Variants in GSE1 observed in about 807,000 individuals in gnomAD.
The protein encoded by GSE1 is Gse1 coiled-coil protein, also known as genetic suppressor element 1.
In GSE1, 32 loss-of-function variants were observed where a neutral mutation model predicts 112.6. That is an observed-to-expected ratio of 0.28 (90% CI 0.21 to 0.38). The LOEUF (loss-of-function observed/expected upper bound fraction) is 0.38. Among genes scored for constraint, GSE1 ranks in the 10% least tolerant of loss-of-function variants. GSE1 has a pLI of 1.00. For missense variants in GSE1, 2,348 were observed against 1,699.2 expected, an observed-to-expected ratio of 1.38 and a Z score of -6.71; for synonymous variants, 1,115 against 735.6, an observed-to-expected ratio of 1.52 and a Z score of -8.35.
intron 1 of GSE1, among the ~76,000 whole-genome samples, chr16:85,232,518 T>C (rs1194787244): frequency 1.3e-5 from 2 of 152,088 alleles, no homozygotes; most frequent in African/African-American, 4.8e-5. Context: ...CTGCTCAGGG[T>C]GTGGTCTCGG....
chr16:85,356,456 C>T (rs2046953348), intron 1 of GSE1, among the ~76,000 whole-genome samples: 1 of 152,216 alleles, frequency 6.6e-6, no homozygotes, highest in South Asian at 2.1e-4. Context: ...CCCACCAGTT[C>T]TGTGCTCCCT....
At chr16:85,434,339 A>ATCATC (rs1555511288) in intron 2 of GSE1, among the ~76,000 whole-genome samples, 30 of 104,134 alleles carry the variant, frequency 2.9e-4, no homozygotes, top group African/African-American at 7.4e-4. Context: ...TAATAATAAT[A>ATCATC]ATAATAATCA....
intron 1 of GSE1, among the ~76,000 whole-genome samples, chr16:85,307,961 T>A (rs2045726834): frequency 6.6e-6 from 1 of 152,180 alleles, no homozygotes; most frequent in Admixed American, 6.5e-5. Flanking sequence ...TGGATTCAGC[T>A]GTGAAGCTGA....
intron 1 of GSE1, among the ~76,000 whole-genome samples, chr16:85,335,832 C>T (rs1406326637): frequency 4.1e-5 from 6 of 145,760 alleles, no homozygotes; most frequent in South Asian, 4.4e-4. Context: ...CAGCCGGGCG[C>T]GCTGGGAGCA....
chr16:85,548,536 G>A (rs1292701396), intron 2 of GSE1, among the ~76,000 whole-genome samples: 1 of 152,136 alleles, frequency 6.6e-6, no homozygotes, highest in East Asian at 1.9e-4. Context: ...TTTAACGTAA[G>A]AATCTCCAAT....
intron 2 of GSE1, among the ~76,000 whole-genome samples, chr16:85,522,973 G>A (rs1206674545): frequency 6.6e-6 from 1 of 152,118 alleles, no homozygotes; most frequent in Non-Finnish European, 1.5e-5. Context: ...TATGTTGTGT[G>A]TATGATTGTG....
In GSE1 at chr16:85,673,319, G is replaced by C. The variant is rs1014278822; in HGVS notation, c.*780G>C. 4 of 152,070 alleles carry C rather than the reference G, an allele frequency of 2.6e-5. No individual in the cohort carries two copies. The highest frequency in any genetic ancestry group is 4.9e-5 in the African/African-American group (2 of 41,204). The allele number at this position is 152,070 out of a possible 1,614,324, so 9.4% of individuals were successfully genotyped here. A position where few individuals can be genotyped will look rare whatever the true frequency, so the allele number is the denominator to read the frequency against. On this transcript the variant is annotated 3_prime_UTR_variant, in exon 16 of 16. Coordinates refer to ENST00000253458, the MANE Select transcript of GSE1 (RefSeq NM_014615.5). Reference sequence around the variant, plus strand: ...GAAAAGTCAAAGGTGCTTCAGCCTTGTACTGTGTATATATATTAAAAAAAA... The same window carrying C: ...GAAAAGTCAAAGGTGCTTCAGCCTTCTACTGTGTATATATATTAAAAAAAA...
chr16:85,170,088 C>A, exon 1 of GSE1: 1 of 985,086 alleles, frequency 1.0e-6, no homozygotes, highest in Non-Finnish European at 1.2e-6. Context: ...CCGACCCGCC[C>A]GCGCGGGACG....
rs749088782 is a variant in GSE1 at position 85,196,458 on chromosome 16, T to G, written c.2283+24651T>G. On this transcript the variant is annotated intron_variant, in intron 1 of 2. Coordinates refer to the GSE1 transcript ENST00000637419. Reference sequence around the variant, plus strand: ...ACGTGTGCACTCCTGCGTCTTGGCTTGTCACAATGAGTGTGTGTGACTTTC... The same window carrying G: ...ACGTGTGCACTCCTGCGTCTTGGCTGGTCACAATGAGTGTGTGTGACTTTC... Among the ~76,000 whole-genome samples the G allele has an allele frequency of 3.3e-5, 5 of 152,146 alleles. No homozygotes were observed. In the South Asian group the frequency reaches 1.0e-3, roughly 32 times the overall value.
At chr16:85,581,064 G>A (rs2046428015) in intron 1 of GSE1, among the ~76,000 whole-genome samples, 1 of 152,222 alleles carries the variant, frequency 6.6e-6, no homozygotes, top group African/African-American at 2.4e-5. Flanking sequence ...GAGGGACACT[G>A]GTGGTTGGCT....
chr16:85,639,064 C>T (rs1008867620), intron 2 of GSE1, among the ~76,000 whole-genome samples: 1 of 152,218 alleles, frequency 6.6e-6, no homozygotes, highest in Non-Finnish European at 1.5e-5. Flanking sequence ...TCCTGGGTTG[C>T]ACCCCCAGCC....
chr16:85,393,923 A>G (rs1400454927), intron 2 of GSE1, among the ~76,000 whole-genome samples: 1 of 151,952 alleles, frequency 6.6e-6, no homozygotes, highest in Non-Finnish European at 1.5e-5. Flanking sequence ...GTCCTGATGC[A>G]GGCCCACTGG....
At chr16:85,312,217 G>GGGA (rs1567681012) in intron 1 of GSE1, among the ~76,000 whole-genome samples, 1 of 148,892 alleles carries the variant, frequency 6.7e-6, no homozygotes, top group African/African-American at 2.5e-5. Context: ...GGGGGGGGGG[G>GGGA]ACACACTTAC....
chr16:85,196,945 C>G (rs1049810010), intron 1 of GSE1, among the ~76,000 whole-genome samples: 6 of 152,190 alleles, frequency 3.9e-5, no homozygotes, highest in African/African-American at 4.8e-5. Context: ...GCCTGTACTG[C>G]GTCAGAGGAT....
intron 1 of GSE1, among the ~76,000 whole-genome samples, chr16:85,582,596 T>C (rs1366916464): frequency 6.6e-6 from 1 of 152,140 alleles, no homozygotes; most frequent in Non-Finnish European, 1.5e-5. Context: ...CAGTCAGCAC[T>C]GGTGGCATCC....
At chr16:85,212,412 A>T (rs1436252522) in intron 1 of GSE1, among the ~76,000 whole-genome samples, 1 of 152,116 alleles carries the variant, frequency 6.6e-6, no homozygotes, top group African/African-American at 2.4e-5. Context: ...TCTCAAAAAA[A>T]ACAAAACAAA....
intron 1 of GSE1, among the ~76,000 whole-genome samples, chr16:85,301,065 C>G (rs1006849586): frequency 2.0e-5 from 3 of 152,182 alleles, no homozygotes; most frequent in African/African-American, 7.2e-5. Context: ...TGTGGTTGCA[C>G]CTACCGGCTC....
At chr16:85,390,033 G>T (rs775726120) in intron 2 of GSE1, among the ~76,000 whole-genome samples, 1 of 152,188 alleles carries the variant, frequency 6.6e-6, no homozygotes, top group Non-Finnish European at 1.5e-5. Context: ...AGCTGACCTC[G>T]GGGCCTAGGC....
At chr16:85,540,359 C>T (rs1269125283) in intron 2 of GSE1, among the ~76,000 whole-genome samples, 4 of 152,190 alleles carry the variant, frequency 2.6e-5, no homozygotes, top group Admixed American at 2.6e-4. Context: ...TCAAGTTGCC[C>T]TTCACTCACA....
Sources: allele counts gnomAD v4.1 joint callset (sites outside exome capture counted in the v4.1 genomes callset), GRCh38; gene constraint gnomAD v4.1.1; transcripts MANE v1.5; gene names NCBI Gene and HGNC (gene_info 2026-07-23, HGNC 2026-07-21).